Variants in LIF observed in about 807,000 individuals in gnomAD.
The protein encoded by LIF is leukemia inhibitory factor.
In LIF, 9 loss-of-function variants were observed where a neutral mutation model predicts 15.0. That is an observed-to-expected ratio of 0.60 (90% CI 0.36 to 1.04). The LOEUF (loss-of-function observed/expected upper bound fraction) is 1.04, where lower values mean the gene tolerates loss of function less well. Ranked by LOEUF, LIF falls within the 50% of genes least tolerant of loss-of-function variation. The probability of loss-of-function intolerance (pLI) is 0.01; values close to 1 mark genes in which losing one functional copy is unlikely to be tolerated. For synonymous variants in LIF, 122 were observed against 119.7 expected (o/e 1.02, Z -0.13); for missense variants, 240 against 266.7 (o/e 0.90, Z 0.70).
Position 30,241,502 on chromosome 22 carries a change from ACTC to A in LIF, c.*2146_*2148del, listed in dbSNP as rs1166630413. On this transcript the variant is annotated 3_prime_UTR_variant, in exon 3 of 3. Transcript: ENST00000249075. The surrounding 1 kb of genome is among the most constrained non-coding windows in gnomAD (Gnocchi z 4.4). ...TGCTGTTGGGATGGACAGATGGACA[ACTC>A]CGGGCCGCACCCTCCACCCCAACCC... 4.6e-5 allele frequency: 7 copies of A among 152,434 alleles called. No homozygotes were observed. The highest frequency in any genetic ancestry group is 1.7e-4 in the African/African-American group (7 of 41,296). The allele number at this position is 152,434 out of a possible 1,614,324, so 9.4% of individuals were successfully genotyped here.
intron 1 of LIF, 29 bp from the exon 2 acceptor site, chr22:30,244,962 T>C: frequency 6.2e-7 from 1 of 1,612,392 alleles, no homozygotes; most frequent in Non-Finnish European, 8.5e-7. Flanking sequence ...AAGCCATGAG[T>C]AGAAAGGCAG....
At position 30,241,170 on chromosome 22, in the gene LIF, C is replaced by T. The variant is rs1244976885; in HGVS notation, c.*2481G>A. On this transcript the variant is annotated 3_prime_UTR_variant, in exon 3 of 3. Coordinates refer to ENST00000249075, the MANE Select transcript of LIF (RefSeq NM_002309.5). The surrounding 1 kb of genome is among the most constrained non-coding windows in gnomAD (Gnocchi z 4.4). ...TGCCGGACGGGATCTGGAGGGAGCA[C>T]TGAGGATGGGTCCCATGGGGCCAAG... is the stretch of plus-strand genomic sequence containing the variant. 6.6e-6 allele frequency: 1 copy of T among 152,314 alleles called. No individual in the cohort carries two copies. The highest frequency in any genetic ancestry group is 1.5e-5 in the Non-Finnish European group (1 of 68,112). 9.4% of individuals were successfully genotyped at this position (152,314 alleles called of 1,614,324 possible).
rs1928714489 is a variant in LIF at position 30,242,529 on chromosome 22, GA to G, written c.*1121del. Reference sequence around the variant, plus strand: ...TGTTGAGTAGGGACCAGGGAAAGGGGAATTAACTTGGCCACTGAAAGCACCA... The same window carrying G: ...TGTTGAGTAGGGACCAGGGAAAGGGGATTAACTTGGCCACTGAAAGCACCA... On this transcript the variant is annotated 3_prime_UTR_variant, in exon 3 of 3. Transcript: ENST00000249075. 6.5e-6 allele frequency: 1 copy of G among 152,700 alleles called. No homozygotes were observed. Among genetic ancestry groups the G allele is most frequent in the Non-Finnish European group, 1.5e-5 (1 of 68,018 alleles). 9.5% of individuals were successfully genotyped at this position (152,700 alleles called of 1,614,324 possible).
chr22:30,243,579 C>T lies in LIF; in HGVS notation c.*72G>A. On this transcript the variant is annotated 3_prime_UTR_variant, in exon 3 of 3. Transcript: ENST00000249075. This position sits in a 1 kb window ranked among gnomAD's most constrained non-coding sequence, Gnocchi z 6.0. ...AGCGATGCCCTGGGCCCCAGCCACC[C>T]TTGGACAGGCCCCCACATCTGGACC... 6.2e-7 allele frequency: 1 copy of T among 1,601,080 alleles called. No homozygotes were observed. Among genetic ancestry groups the T allele is most frequent in the Admixed American group, 1.7e-5 (1 of 60,012 alleles).
At position 30,241,301 on chromosome 22, in the gene LIF, C is replaced by T. The variant is rs911031124; in HGVS notation, c.*2350G>A. The T allele has an allele frequency of 1.3e-5, 2 of 152,336 alleles. No homozygotes were observed. The highest frequency in any genetic ancestry group is 6.5e-5 in the Admixed American group (1 of 15,290). 9.4% of individuals were successfully genotyped at this position (152,336 alleles called of 1,614,324 possible). On this transcript the variant is annotated 3_prime_UTR_variant, in exon 3 of 3. Coordinates refer to ENST00000249075, the MANE Select transcript of LIF (RefSeq NM_002309.5). The surrounding 1 kb of genome is among the most constrained non-coding windows in gnomAD (Gnocchi z 4.4). ...GAGGTGATGGGCGAGTCAGCCGGGC[C>T]CCCCGGGTGGAATCAGCAACTCTGG...
Position 30,244,946 on chromosome 22 carries a change from A to G in LIF, c.20-13T>C. The stretch of plus-strand genomic sequence containing the variant: ...AGGGGCACAACTCCTGGGGACAGTC[A>G]GGAAGAAGCCATGAGTAGAAAGGCA... On this transcript the variant is annotated splice_polypyrimidine_tract_variant and intron_variant, in intron 1 of 2. Transcript: ENST00000249075. 1 of 1,613,862 alleles carries G rather than the reference A, an allele frequency of 6.2e-7. No homozygotes were observed. The highest frequency in any genetic ancestry group is 8.5e-7 in the Non-Finnish European group (1 of 1,179,854).
At chr22:30,244,093 C>G in intron 2 of LIF, 32 bp from the exon 3 acceptor site, 1 of 1,579,660 alleles carries the variant, frequency 6.3e-7, no homozygotes, top group Non-Finnish European at 8.6e-7. Context: ...ACGTGGGAGT[C>G]AGGGGTCAGT....
intron 1 of LIF, among the ~76,000 whole-genome samples, chr22:30,245,424 C>T (rs978933409): frequency 6.6e-5 from 10 of 152,196 alleles, no homozygotes; most frequent in Non-Finnish European, 1.0e-4. Flanking sequence ...AAGCCAGGCA[C>T]CCATGGGGGC....
rs1928748104 is a variant in LIF at position 30,243,570 on chromosome 22, C to T, written c.*81G>A. Reference sequence around the variant, plus strand: ...TTTGGGTTTAGCGATGCCCTGGGCCCCAGCCACCCTTGGACAGGCCCCCAC... The same window carrying T: ...TTTGGGTTTAGCGATGCCCTGGGCCTCAGCCACCCTTGGACAGGCCCCCAC... On this transcript the variant is annotated 3_prime_UTR_variant, in exon 3 of 3. Coordinates refer to ENST00000249075, the MANE Select transcript of LIF (RefSeq NM_002309.5). This position sits in a 1 kb window ranked among gnomAD's most constrained non-coding sequence, Gnocchi z 6.0. The T allele has an allele frequency of 1.3e-6, 2 of 1,591,302 alleles. No individual in the cohort carries two copies. Among genetic ancestry groups the T allele is most frequent in the African/African-American group, 2.7e-5 (2 of 74,614 alleles).
Position 30,243,704 on chromosome 22 carries a change from G to C in LIF, c.556C>G (p.Gln186Glu). 6.2e-7 allele frequency: 1 copy of C among 1,614,244 alleles called. No homozygotes were observed. The highest frequency in any genetic ancestry group is 1.1e-5 in the South Asian group (1 of 91,082). Residue 186 changes from glutamine to glutamate, a missense_variant, in exon 3 of 3, where the codon CAA (glutamine) becomes GAA (glutamate). By Grantham distance (29) the Gln-to-Glu change is conservative (BLOSUM62 2). Coordinates refer to ENST00000249075, the MANE Select transcript of LIF (RefSeq NM_002309.5). This position sits in a 1 kb window ranked among gnomAD's most constrained non-coding sequence, Gnocchi z 6.0. ...DVFQKKKLGC[Q>E]LLGKYKQIIA... is the part of the protein sequence containing the mutation. ...ATCTGCTTATACTTCCCCAGGAGTTGACAGCCCAGCTTCTTCTTCTGGAAG... is the reference window on the plus strand; with the variant it reads ...ATCTGCTTATACTTCCCCAGGAGTTCACAGCCCAGCTTCTTCTTCTGGAAG...
At position 30,243,515 on chromosome 22, in the gene LIF, G is replaced by A. The variant is rs552286164; in HGVS notation, c.*136C>T. On this transcript the variant is annotated 3_prime_UTR_variant, in exon 3 of 3. Transcript: ENST00000249075. This position sits in a 1 kb window ranked among gnomAD's most constrained non-coding sequence, Gnocchi z 6.0. The stretch of plus-strand genomic sequence containing the variant: ...AGCCCAGAGTGGAGTGGACTGGCCA[G>A]GCACCCTCGGGGTCTGCCAGCAGCC... The A allele has an allele frequency of 1.9e-4, 202 of 1,066,260 alleles. 1 individual carries two copies. Among genetic ancestry groups the A allele is most frequent in the South Asian group, 6.7e-4 (52 of 77,268 alleles). 66.0% of individuals were successfully genotyped at this position (1,066,260 alleles called of 1,614,324 possible). A position where few individuals can be genotyped will look rare whatever the true frequency, so the allele number is the denominator to read the frequency against.
In LIF at chr22:30,243,201, T is replaced by A; in HGVS notation, c.*450A>T. ...AGGAGTCCTTTGGGATCCTAGCCCC[T>A]CTGGCCCACCTAAGTCCCAACCTAA... On this transcript the variant is annotated 3_prime_UTR_variant, in exon 3 of 3. Coordinates refer to ENST00000249075, the MANE Select transcript of LIF (RefSeq NM_002309.5). The surrounding 1 kb of genome is among the most constrained non-coding windows in gnomAD (Gnocchi z 6.0). 1 of 253,136 alleles carries A rather than the reference T, an allele frequency of 4.0e-6. No individual in the cohort carries two copies. Among genetic ancestry groups the A allele is most frequent in the Non-Finnish European group, 7.8e-6 (1 of 128,080 alleles). The allele number at this position is 253,136 out of a possible 1,614,324, so 15.7% of individuals were successfully genotyped here. A position where few individuals can be genotyped will look rare whatever the true frequency, so the allele number is the denominator to read the frequency against.
intron 1 of LIF, among the ~76,000 whole-genome samples, chr22:30,245,881 A>T (rs1416507085): frequency 6.6e-6 from 1 of 152,114 alleles, no homozygotes; most frequent in South Asian, 2.1e-4. Flanking sequence ...CTGTCCCGAC[A>T]TGTCCTGGTT....
chr22:30,243,640 A>G lies in LIF; in HGVS notation c.*11T>C, dbSNP rs749749653. The G allele has an allele frequency of 3.1e-6, 5 of 1,614,058 alleles. No homozygotes were observed. In the South Asian group the frequency reaches 5.5e-5, roughly 18 times the overall value. ...GATCCCTCGGTTCACAGCACACTTC[A>G]AGACCTCCTGCTAGAAGGCCTGGGC... On this transcript the variant is annotated 3_prime_UTR_variant, in exon 3 of 3. Transcript: ENST00000249075. This position sits in a 1 kb window ranked among gnomAD's most constrained non-coding sequence, Gnocchi z 6.0.
In LIF at chr22:30,241,230, GC is replaced by G. The variant is rs1928656321; in HGVS notation, c.*2420del. 1 of 152,346 alleles carries G rather than the reference GC, an allele frequency of 6.6e-6. No homozygotes were observed. The highest frequency in any genetic ancestry group is 6.5e-5 in the Admixed American group (1 of 15,292). The allele number at this position is 152,346 out of a possible 1,614,324, so 9.4% of individuals were successfully genotyped here. A position where few individuals can be genotyped will look rare whatever the true frequency, so the allele number is the denominator to read the frequency against. The stretch of plus-strand genomic sequence containing the variant: ...GGTGGGAGAGCGACTCAGAGCCAGG[GC>G]CGCAAGGTGGGCCTGGCACAGAGCT... On this transcript the variant is annotated 3_prime_UTR_variant, in exon 3 of 3. Coordinates refer to ENST00000249075, the MANE Select transcript of LIF (RefSeq NM_002309.5). This position sits in a 1 kb window ranked among gnomAD's most constrained non-coding sequence, Gnocchi z 4.4.
rs1928722147 is a variant in LIF, at chr22:30,242,755, G to A, written c.*896C>T. 1 of 152,606 alleles carries A rather than the reference G, an allele frequency of 6.6e-6. No individual in the cohort carries two copies. Among genetic ancestry groups the A allele is most frequent in the Non-Finnish European group, 1.5e-5 (1 of 68,056 alleles). 9.5% of individuals were successfully genotyped at this position (152,606 alleles called of 1,614,324 possible). ...AGGCCTCCCAGGGCCTCAGATGTGAGCTGCTACTCTGAGCTACCCCAGCCC... is the reference window on the plus strand; with the variant it reads ...AGGCCTCCCAGGGCCTCAGATGTGAACTGCTACTCTGAGCTACCCCAGCCC... On this transcript the variant is annotated 3_prime_UTR_variant, in exon 3 of 3. Coordinates refer to ENST00000249075, the MANE Select transcript of LIF (RefSeq NM_002309.5).
rs1928746395 is a variant in LIF, at chr22:30,243,526, G to T, written c.*125C>A. The T allele has an allele frequency of 8.3e-7, 1 of 1,209,584 alleles. No homozygotes were observed. The highest frequency in any genetic ancestry group is 1.5e-5 in the African/African-American group (1 of 67,028). The allele number at this position is 1,209,584 out of a possible 1,614,324, so 74.9% of individuals were successfully genotyped here. On this transcript the variant is annotated 3_prime_UTR_variant, in exon 3 of 3. Coordinates refer to ENST00000249075, the MANE Select transcript of LIF (RefSeq NM_002309.5). The surrounding 1 kb of genome is among the most constrained non-coding windows in gnomAD (Gnocchi z 6.0). The stretch of plus-strand genomic sequence containing the variant: ...GAGTGGACTGGCCAGGCACCCTCGG[G>T]GTCTGCCAGCAGCCCCCATTTGGGT...
intron 1 of LIF, chr22:30,246,464 C>T (rs1490245633): frequency 1.6e-6 from 2 of 1,215,120 alleles, no homozygotes; most frequent in Non-Finnish European, 2.0e-6. Flanking sequence ...CCCCCTCCCT[C>T]GCCGCCAACC....
At chr22:30,246,159 A>C in intron 1 of LIF, 1 of 154,972 alleles carries the variant, frequency 6.5e-6, no homozygotes, top group Non-Finnish European at 1.4e-5. Context: ...CCACACCCCT[A>C]TATCTCACCT....
Sources: allele counts gnomAD v4.1 joint callset (sites outside exome capture counted in the v4.1 genomes callset), GRCh38; gene constraint gnomAD v4.1.1; non-coding constraint Gnocchi (gnomAD v3.1); transcripts MANE v1.5; gene names NCBI Gene and HGNC (gene_info 2026-07-23, HGNC 2026-07-21).